Variants in STARD3 observed in about 807,000 individuals in gnomAD.
STARD3 encodes StAR related lipid transfer domain containing 3.
A neutral mutation model predicts 62.0 loss-of-function variants in STARD3; 39 were observed. The observed-to-expected ratio is 0.63, with a 90% CI of 0.49 to 0.82. The LOEUF is 0.82. STARD3 is among the 40% of genes least tolerant of loss of function. The pLI is 0.00. For missense variants in STARD3, 543 were observed against 584.5 expected (o/e 0.93, Z 0.73); for synonymous variants, 229 against 242.4 (o/e 0.94, Z 0.51).
intron 1 of STARD3, among the ~76,000 whole-genome samples, chr17:39,650,769 G>A (rs940241796): frequency 6.6e-6 from 1 of 152,184 alleles, no homozygotes; most frequent in African/African-American, 2.4e-5. Flanking sequence ...AGCCATGATC[G>A]TGCCACTGCA....
At chr17:39,658,888 C>G (rs1316671718) in intron 7 of STARD3, 68 bp downstream of exon 7, 1 of 1,583,086 alleles carries the variant, frequency 6.3e-7, no homozygotes, top group African/African-American at 1.3e-5. Context: ...TAGGCTGGGT[C>G]TGTTCTTTCT....
chr17:39,645,834 C>T (rs2057020926), intron 1 of STARD3, among the ~76,000 whole-genome samples: 1 of 150,564 alleles, frequency 6.6e-6, no homozygotes, highest in South Asian at 2.1e-4. Flanking sequence ...CATACTCCCT[C>T]CTGACACCTA....
At chr17:39,657,636 T>C in intron 3 of STARD3, 139 bp from the exon 4 acceptor site, 2 of 838,424 alleles carry the variant, frequency 2.4e-6, no homozygotes, top group Non-Finnish European at 4.0e-6. Context: ...CCCAGAGACA[T>C]GCTGACTCAG....
Position 39,664,175 on chromosome 17 carries a change from T to C in STARD3, c.*1267T>C, listed in dbSNP as rs891712937. 6.6e-6 allele frequency: 1 copy of C among 152,322 alleles called. No homozygotes were observed. The highest frequency in any genetic ancestry group is 2.4e-5 in the African/African-American group (1 of 41,422). 9.4% of individuals were successfully genotyped at this position (152,322 alleles called of 1,614,324 possible). ...TGGGACTGATGTCACAGGGTTGTTA[T>C]GAGATTAAAAGATATGAAGAACCGG... is the stretch of plus-strand genomic sequence containing the variant. On this transcript the variant is annotated 3_prime_UTR_variant, in exon 15 of 15. Transcript: ENST00000336308.
chr17:39,662,223 G>A, intron 13 of STARD3, 28 bp from the exon 14 acceptor site: 1 of 1,604,976 alleles, frequency 6.2e-7, no homozygotes, highest in Non-Finnish European at 8.5e-7. Context: ...CTGTTCCAAA[G>A]TCCCCCCAAT....
chr17:39,662,831 C>T lies in STARD3; in HGVS notation c.1261C>T (p.Gln421Ter), dbSNP rs2057215197. ...CCGCCTGCCCCGGTACCTCATCCAC[C>T]AGAGCCTCGCGGCCACCATGTTTGA... Reference protein sequence around the residue: ...KGRLPRYLIHQSLAATMFEFA... With the variant: ...KGRLPRYLIH Residue 421 changes from glutamine (Q) to a stop codon, truncating the protein, a stop_gained, in exon 15 of 15, where the codon CAG (glutamine) becomes TAG (stop). Coordinates refer to ENST00000336308, the MANE Select transcript of STARD3 (RefSeq NM_006804.4). LOFTEE classifies it high-confidence loss of function. 1 of 1,611,814 alleles carries T rather than the reference C, an allele frequency of 6.2e-7. No homozygotes were observed. The highest frequency in any genetic ancestry group is 1.3e-5 in the African/African-American group (1 of 74,788).
chr17:39,647,364 G>T (rs1380457229), intron 1 of STARD3, among the ~76,000 whole-genome samples: 1 of 152,150 alleles, frequency 6.6e-6, no homozygotes, highest in Non-Finnish European at 1.5e-5. Flanking sequence ...ACTTCTGAAG[G>T]TGCTTGGGAG....
At chr17:39,638,903 G>A (rs2056959357) in intron 1 of STARD3, among the ~76,000 whole-genome samples, 1 of 152,208 alleles carries the variant, frequency 6.6e-6, no homozygotes, top group Non-Finnish European at 1.5e-5. Flanking sequence ...TACTTTGGGA[G>A]GCAAGGCAGG....
At chr17:39,650,952 C>T (rs1390697032) in intron 1 of STARD3, among the ~76,000 whole-genome samples, 1 of 152,234 alleles carries the variant, frequency 6.6e-6, no homozygotes, top group Non-Finnish European at 1.5e-5. Context: ...AGGGAAATGT[C>T]ACCTGCCCTG....
chr17:39,645,768 C>T (rs966291251), intron 1 of STARD3, among the ~76,000 whole-genome samples: 3 of 151,278 alleles, frequency 2.0e-5, no homozygotes, highest in Admixed American at 1.3e-4. Context: ...CCATCTTACC[C>T]GAAAAGTCTT....
chr17:39,648,588 T>TA (rs1188580140), intron 1 of STARD3, among the ~76,000 whole-genome samples: 3 of 152,064 alleles, frequency 2.0e-5, no homozygotes, highest in Non-Finnish European at 2.9e-5. Context: ...GAGACTGGGG[T>TA]ACAGGTTCCT....
intron 1 of STARD3, 157 bp from the exon 2 acceptor site, chr17:39,653,324 C>G: frequency 1.6e-6 from 1 of 608,424 alleles, no homozygotes; most frequent in Non-Finnish European, 2.9e-6. Flanking sequence ...AGCCTGGGAG[C>G]CAGGCTGGTG....
At chr17:39,642,317 C>G (rs1481089781) in intron 1 of STARD3, among the ~76,000 whole-genome samples, 2 of 152,184 alleles carry the variant, frequency 1.3e-5, no homozygotes, top group Non-Finnish European at 2.9e-5. Flanking sequence ...GAGCAGATAC[C>G]CTGCTTGAGG....
chr17:39,663,164 A>G lies in STARD3; in HGVS notation c.*256A>G. 1 of 455,458 alleles carries G rather than the reference A, an allele frequency of 2.2e-6. No homozygotes were observed. The highest frequency in any genetic ancestry group is 3.9e-6 in the Non-Finnish European group (1 of 259,492). The allele number at this position is 455,458 out of a possible 1,614,324, so 28.2% of individuals were successfully genotyped here. A position where few individuals can be genotyped will look rare whatever the true frequency, so the allele number is the denominator to read the frequency against. ...ATGGCGCCCTGCCTCCTGGAGGACC[A>G]GATTGCTCTGCCCCACCTTGCCAGG... On this transcript the variant is annotated 3_prime_UTR_variant, in exon 15 of 15. Transcript: ENST00000336308.
intron 8 of STARD3, 76 bp from the exon 9 acceptor site, chr17:39,659,385 A>AG: frequency 7.0e-7 from 1 of 1,419,096 alleles, no homozygotes. Flanking sequence ...TGGTATGTCT[A>AG]GAGAGAGAAC....
chr17:39,662,332 T>C lies in STARD3; in HGVS notation c.1221T>C (p.Asn407=). Residue 407 remains asparagine, a synonymous_variant, in exon 14 of 15, where the codon AAT becomes AAC. Coordinates refer to ENST00000336308, the MANE Select transcript of STARD3 (RefSeq NM_006804.4). ...TTTGCACCTTTGTCTGGATTCTTAA[T>C]ACAGATCTCAAGGTGGGGTGCTGGG... is the stretch of plus-strand genomic sequence containing the variant. The part of the protein sequence containing the change: ...PRVCTFVWIL[N]TDLKGRLPRY... 1 of 1,613,942 alleles carries C rather than the reference T, an allele frequency of 6.2e-7. No individual in the cohort carries two copies.
At chr17:39,641,781 T>G (rs2144896797) in intron 1 of STARD3, among the ~76,000 whole-genome samples, 1 of 152,256 alleles carries the variant, frequency 6.6e-6, no homozygotes, top group East Asian at 1.9e-4. Context: ...AGGAATGGCC[T>G]TAGGTTTTTG....
intron 8 of STARD3, 113 bp from the exon 9 acceptor site, chr17:39,659,348 C>T: frequency 8.8e-7 from 1 of 1,133,548 alleles, no homozygotes; most frequent in Non-Finnish European, 1.3e-6. Context: ...CCACATGTGG[C>T]TGGGCCAGGC....
chr17:39,656,042 C>T (rs981282891), intron 2 of STARD3, among the ~76,000 whole-genome samples: 7 of 151,766 alleles, frequency 4.6e-5, no homozygotes, highest in Non-Finnish European at 7.4e-5. Flanking sequence ...GGCCTGGGGG[C>T]CTCACCGGCA....
Sources: gnomAD v4.1 joint callset for allele counts (sites outside exome capture counted in the v4.1 genomes callset) on GRCh38, gnomAD v4.1.1 for gene constraint, MANE v1.5 for transcripts, NCBI Gene and HGNC (gene_info 2026-07-23, HGNC 2026-07-21) for gene names.